The following ZZZ3 variants were observed in gnomAD, a reference collection of about 807,000 sequenced individuals.
ZZZ3 encodes the protein ZZ-type zinc finger-containing protein 3.
Under a neutral mutation model 95.2 loss-of-function variants are expected in ZZZ3, and 22 were observed. That is an observed-to-expected ratio of 0.23 (90% CI 0.17 to 0.33). The LOEUF (loss-of-function observed/expected upper bound fraction) is 0.33, where lower values mean the gene tolerates loss of function less well. ZZZ3 is among the 10% of genes least tolerant of loss of function. The pLI is 1.00. For synonymous variants in ZZZ3, 335 were observed against 358.9 expected, an observed-to-expected ratio of 0.93 and a Z score of 0.75; for missense variants, 885 against 1,066.5, an observed-to-expected ratio of 0.83 and a Z score of 2.37.
At chr1:77,578,511 C>G (rs1344037164) in intron 11 of ZZZ3, among the ~76,000 whole-genome samples, 2 of 152,110 alleles carry the variant, frequency 1.3e-5, no homozygotes, top group African/African-American at 4.8e-5. Context: ...CTCACAAAGG[C>G]CTTTCTAACA....
intron 1 of ZZZ3, among the ~76,000 whole-genome samples, chr1:77,652,347 T>G (rs1423881432): frequency 6.6e-6 from 1 of 152,114 alleles, no homozygotes; most frequent in African/African-American, 2.4e-5. Flanking sequence ...CATGAAAAAA[T>G]GCTCAATATC....
In ZZZ3 at chr1:77,674,401, A is replaced by G. The variant is rs543557225; in HGVS notation, c.-403+8184T>C. Among the ~76,000 whole-genome samples, 9 of 152,338 alleles carry G rather than the reference A, an allele frequency of 5.9e-5. No homozygotes were observed. The South Asian group carries it at 1.7e-3, about 28-fold the overall frequency. On this transcript the variant is annotated intron_variant, in intron 1 of 14. Transcript: ENST00000370801. ...AATCCTAGGCTCAAAAGCAAATAAA[A>G]TAATTCTGTGGTACTAGACATCAAA...
chr1:77,626,509 C>G (rs891567119), intron 5 of ZZZ3, among the ~76,000 whole-genome samples: 1 of 152,150 alleles, frequency 6.6e-6, no homozygotes, highest in African/African-American at 2.4e-5. Context: ...ACCTAGATCC[C>G]TCACATGCAT....
At chr1:77,657,404 G>A (rs1046158733) in intron 1 of ZZZ3, among the ~76,000 whole-genome samples, 1 of 152,100 alleles carries the variant, frequency 6.6e-6, no homozygotes, top group Non-Finnish European at 1.5e-5. Flanking sequence ...ACTACACTTA[G>A]GGGCAATTTT....
intron 4 of ZZZ3, among the ~76,000 whole-genome samples, chr1:77,637,107 G>C (rs931663849): frequency 4.6e-5 from 7 of 152,178 alleles, no homozygotes; most frequent in Non-Finnish European, 1.0e-4. Context: ...ATTCATGTAT[G>C]TATTAGGGTT....
chr1:77,633,166 ATTT>A lies in ZZZ3; in HGVS notation c.186_188del (p.Asn65del). The A allele has an allele frequency of 6.2e-7, 1 of 1,613,910 alleles. No homozygotes were observed. Among genetic ancestry groups the A allele is most frequent in the Non-Finnish European group, 8.5e-7 (1 of 1,179,978 alleles). Reference sequence around the variant, plus strand: ...TTAAATCAGTGGTTCTCCCATTATTATTTCCTTTCTGAATTGGCACAGGCTCTG... The same window carrying A: ...TTAAATCAGTGGTTCTCCCATTATTACCTTTCTGAATTGGCACAGGCTCTG... On this transcript the variant is annotated inframe_deletion, in exon 5 of 15. Transcript: ENST00000370801.
intron 5 of ZZZ3, among the ~76,000 whole-genome samples, chr1:77,615,598 C>G (rs1389460484): frequency 3.3e-5 from 5 of 152,178 alleles, no homozygotes; most frequent in South Asian, 2.1e-4. Context: ...ATAAGTTTCA[C>G]TACTTATAAT....
chr1:77,600,658 G>A (rs990286470), intron 5 of ZZZ3, among the ~76,000 whole-genome samples: 27 of 152,068 alleles, frequency 1.8e-4, no homozygotes, highest in African/African-American at 5.6e-4. Flanking sequence ...AAGGGTTCCC[G>A]GGGTTGTTCC....
intron 11 of ZZZ3, 98 bp downstream of exon 11, chr1:77,578,676 A>T: frequency 1.4e-6 from 1 of 696,582 alleles, no homozygotes. Context: ...AGAAGTTTTA[A>T]AATACAACAC....
chr1:77,617,478 C>T (rs1022366175), intron 5 of ZZZ3, among the ~76,000 whole-genome samples: 1 of 152,152 alleles, frequency 6.6e-6, no homozygotes, highest in African/African-American at 2.4e-5. Flanking sequence ...CAGTTGAATA[C>T]AATTCCATTG....
At chr1:77,664,698 A>C (rs896540746) in intron 1 of ZZZ3, among the ~76,000 whole-genome samples, 3 of 152,216 alleles carry the variant, frequency 2.0e-5, no homozygotes, top group African/African-American at 4.8e-5. Context: ...ACATTTTATA[A>C]GCACAACTGT....
At chr1:77,592,765 C>T (rs1326407849) in intron 5 of ZZZ3, among the ~76,000 whole-genome samples, 1 of 152,124 alleles carries the variant, frequency 6.6e-6, no homozygotes, top group African/African-American at 2.4e-5. Flanking sequence ...GTAACTAAAA[C>T]TAAAAGGTCA....
intron 4 of ZZZ3, among the ~76,000 whole-genome samples, chr1:77,634,935 G>C (rs1022547163): frequency 2.0e-5 from 3 of 152,154 alleles, no homozygotes; most frequent in East Asian, 1.9e-4. Context: ...GTTAGAGAAA[G>C]AGGCCAGTGG....
intron 5 of ZZZ3, among the ~76,000 whole-genome samples, chr1:77,600,764 T>C (rs1174949962): frequency 3.3e-5 from 5 of 151,966 alleles, no homozygotes; most frequent in African/African-American, 1.2e-4. Flanking sequence ...AAAAAAGAGT[T>C]GAGACTCAAG....
rs117601419 is a variant in ZZZ3 at position 77,612,324 on chromosome 1, C to A, written c.1505+19526G>T. ...GGTTGAGGGTATGGAGAAAGGAAAC[C>A]TTAGCACACTGTTGGTGGAAATGTA... On this transcript the variant is annotated intron_variant, in intron 5 of 14. Coordinates refer to ENST00000370801, the MANE Select transcript of ZZZ3 (RefSeq NM_015534.6). Among the ~76,000 whole-genome samples, 31 of 152,010 alleles carry A rather than the reference C, an allele frequency of 2.0e-4. 1 individual carries two copies. The East Asian group carries it at 5.6e-3, about 28-fold the overall frequency.
intron 1 of ZZZ3, among the ~76,000 whole-genome samples, chr1:77,671,733 T>C (rs1671804710): frequency 6.6e-6 from 1 of 152,200 alleles, no homozygotes; most frequent in Admixed American, 6.5e-5. Flanking sequence ...TTAGTATTAC[T>C]TCTATAAGAG....
chr1:77,581,205 G>T, intron 8 of ZZZ3, 136 bp from the exon 9 acceptor site: 1 of 693,144 alleles, frequency 1.4e-6, no homozygotes. Context: ...TAATGTATAT[G>T]CTTTTTTTTT....
chr1:77,568,461 G>C lies in ZZZ3; in HGVS notation c.2337C>G (p.Asp779Glu). The change falls in exon 13 of 15, where the codon GAC (aspartate) becomes GAG (glutamate). Residue 779 changes from aspartate to glutamate, a missense_variant. Coordinates refer to ENST00000370801, the MANE Select transcript of ZZZ3 (RefSeq NM_015534.6). ...MNTAVEDASD[D>E]ESIPIMYRNL... is the part of the protein sequence containing the mutation. ...TCCTATACATGATAGGAATACTTTCGTCATCCTATCAAAAAAAAAAAAAAA... is the reference window on the plus strand; with the variant it reads ...TCCTATACATGATAGGAATACTTTCCTCATCCTATCAAAAAAAAAAAAAAA... The C allele has an allele frequency of 1.0e-6, 1 of 968,926 alleles. No individual in the cohort carries two copies. Among genetic ancestry groups the C allele is most frequent in the Non-Finnish European group, 1.4e-6 (1 of 704,570 alleles). The allele number at this position is 968,926 out of a possible 1,614,324, so 60.0% of individuals were successfully genotyped here. A position where few individuals can be genotyped will look rare whatever the true frequency, so the allele number is the denominator to read the frequency against.
At chr1:77,683,255 T>G (rs1451070423), upstream of ZZZ3, 2 of 144,174 alleles carry the variant, frequency 1.4e-5, no homozygotes, top group Admixed American at 6.8e-5. Flanking sequence ...CCCGAGCTCT[T>G]GCTCACCTTT....
Sources: allele counts gnomAD v4.1 joint callset (sites outside exome capture counted in the v4.1 genomes callset), GRCh38; gene constraint gnomAD v4.1.1; transcripts MANE v1.5; gene names NCBI Gene and HGNC (gene_info 2026-07-23, HGNC 2026-07-21).